Variants in INSC observed in about 807,000 individuals in gnomAD.
The protein encoded by INSC is protein inscuteable homolog.
A neutral mutation model predicts 58.6 loss-of-function variants in INSC; 67 were observed. That is an observed-to-expected ratio of 1.14 (90% confidence interval 0.94 to 1.40). The LOEUF (loss-of-function observed/expected upper bound fraction) is 1.40. INSC is among the 40% of genes most tolerant of loss of function. INSC has a pLI of 0.00. For synonymous variants in INSC, 262 were observed against 276.1 expected (o/e 0.95, Z 0.51); for missense variants, 714 against 692.0 (o/e 1.03, Z -0.36).
chr11:15,142,859 A>G (rs1298753458), intron 1 of INSC, among the ~76,000 whole-genome samples: 1 of 151,950 alleles, frequency 6.6e-6, no homozygotes, highest in East Asian at 1.9e-4. Flanking sequence ...GTACATGTGC[A>G]CAAAGGTTTG....
chr11:15,140,458 C>G (rs1399910262), intron 1 of INSC, among the ~76,000 whole-genome samples: 3 of 152,180 alleles, frequency 2.0e-5, no homozygotes, highest in Non-Finnish European at 2.9e-5. Context: ...TCCAGCCAGG[C>G]AAAGCCTTAT....
At position 15,158,337 on chromosome 11, in the gene INSC, C is replaced by T. The variant is rs181167448; in HGVS notation, c.56+9107C>T. ...CCCTGTTTCTCTCTTCAGACCCGTTCCTGGCCCCACCCTCAGAGGCCCCTG... is the reference window on the plus strand; with the variant it reads ...CCCTGTTTCTCTCTTCAGACCCGTTTCTGGCCCCACCCTCAGAGGCCCCTG... On this transcript the variant is annotated intron_variant, in intron 2 of 12. Transcript: ENST00000379556. Among the ~76,000 whole-genome samples, 48 of 151,350 alleles carry T rather than the reference C, an allele frequency of 3.2e-4. No homozygotes were observed. The East Asian group carries it at 7.5e-3, about 24-fold the overall frequency.
the INSC span, among the ~76,000 whole-genome samples, chr11:15,266,032 A>G: frequency 1.3e-5 from 2 of 151,940 alleles, no homozygotes; most frequent in Non-Finnish European, 2.9e-5. Flanking sequence ...CTGAGACCAC[A>G]TGCATATTTG....
intron 5 of INSC, among the ~76,000 whole-genome samples, chr11:15,189,097 T>C (rs1194851941): frequency 6.6e-6 from 1 of 152,190 alleles, no homozygotes; most frequent in African/African-American, 2.4e-5. Context: ...ATGTTGTGCG[T>C]GTGTGAGGAA....
intron 5 of INSC, among the ~76,000 whole-genome samples, chr11:15,181,417 C>A (rs1474810545): frequency 1.3e-5 from 2 of 152,142 alleles, no homozygotes; most frequent in Non-Finnish European, 2.9e-5. Context: ...AATCTCCCCA[C>A]CCCCTTCACC....
chr11:15,215,532 ACTGGAGTC>A (rs917567379), intron 7 of INSC, among the ~76,000 whole-genome samples: 3 of 152,212 alleles, frequency 2.0e-5, no homozygotes, highest in Non-Finnish European at 4.4e-5. Flanking sequence ...GGAGGCCAGA[ACTGGAGTC>A]CTGGCCCTGG....
chr11:15,211,392 G>A (rs1345190393), intron 7 of INSC, among the ~76,000 whole-genome samples: 1 of 152,002 alleles, frequency 6.6e-6, no homozygotes, highest in Non-Finnish European at 1.5e-5. Context: ...TAAAACACTG[G>A]GTTGTTTGTC....
At chr11:15,221,425 G>A in intron 7 of INSC, 52 bp from the exon 8 acceptor site, 1 of 1,553,340 alleles carries the variant, frequency 6.4e-7, no homozygotes, top group Non-Finnish European at 8.7e-7. Flanking sequence ...AATGTCATGG[G>A]CAGTGGTGTC....
chr11:15,196,450 TAG>T (rs1490873794), intron 6 of INSC, among the ~76,000 whole-genome samples: 1 of 151,296 alleles, frequency 6.6e-6, no homozygotes, highest in Non-Finnish European at 1.5e-5. Flanking sequence ...GGTTAAAATC[TAG>T]AGTCTTTCCC....
At chr11:15,264,314 C>T in the INSC span, among the ~76,000 whole-genome samples, 6 of 148,122 alleles carry the variant, frequency 4.1e-5, no homozygotes, top group East Asian at 1.2e-3. Context: ...TATTCTGCTG[C>T]GGCGGCTGCT....
chr11:15,263,416 T>C, the INSC span, among the ~76,000 whole-genome samples: 1 of 152,052 alleles, frequency 6.6e-6, no homozygotes, highest in Non-Finnish European at 1.5e-5. Context: ...AATCCATATG[T>C]GTAGATATAA....
chr11:15,129,603 C>A (rs1177524030), intron 1 of INSC, among the ~76,000 whole-genome samples: 2 of 152,154 alleles, frequency 1.3e-5, no homozygotes, highest in Non-Finnish European at 2.9e-5. Context: ...CTTGCACATG[C>A]TAAGGTTCAT....
In INSC at chr11:15,229,988, TA is replaced by T. The variant is rs557179135; in HGVS notation, c.1170+4161del. On this transcript the variant is annotated intron_variant, in intron 9 of 12. Transcript: ENST00000379556. The stretch of plus-strand genomic sequence containing the variant: ...TATATATATATATATATTATATATA[TA>T]TATATATATATATATATATATATAA... Among the ~76,000 whole-genome samples the T allele has an allele frequency of 2.0e-4, 6 of 29,280 alleles. 1 individual carries two copies. Among genetic ancestry groups the T allele is most frequent in the East Asian group, 4.6e-3 (2 of 434 alleles). 19.2% of individuals were successfully genotyped at this position (29,280 alleles called of 152,430 possible).
chr11:15,259,921 A>G, the INSC span, among the ~76,000 whole-genome samples: 1 of 152,194 alleles, frequency 6.6e-6, no homozygotes, highest in Admixed American at 6.6e-5. Flanking sequence ...TTGAAAGTAC[A>G]CATAATCCCA....
intron 1 of INSC, among the ~76,000 whole-genome samples, chr11:15,127,557 T>C (rs552557596): frequency 6.6e-6 from 1 of 152,358 alleles, no homozygotes; most frequent in Non-Finnish European, 1.5e-5. Context: ...TTGTGCTGTA[T>C]ACTTGGCAGA....
chr11:15,249,194 A>G (rs1370534889), downstream of INSC, among the ~76,000 whole-genome samples: 1 of 152,208 alleles, frequency 6.6e-6, no homozygotes, highest in Non-Finnish European at 1.5e-5. Context: ...AGAAGAGAGC[A>G]GGGCAGAGAA....
At chr11:15,173,487 G>A (rs556120566) in intron 2 of INSC, among the ~76,000 whole-genome samples, 37 of 152,224 alleles carry the variant, frequency 2.4e-4, no homozygotes, top group African/African-American at 8.4e-4. Context: ...CAATCAAACC[G>A]TACATGAGAT....
At chr11:15,155,465 G>A (rs1189540535) in intron 2 of INSC, among the ~76,000 whole-genome samples, 1 of 152,198 alleles carries the variant, frequency 6.6e-6, no homozygotes, top group Non-Finnish European at 1.5e-5. Flanking sequence ...TCTTTATAGA[G>A]TGCCTATGAA....
chr11:15,198,818 T>G (rs1055312052), intron 6 of INSC, among the ~76,000 whole-genome samples: 1 of 152,072 alleles, frequency 6.6e-6, no homozygotes, highest in African/African-American at 2.4e-5. Flanking sequence ...GAGGTCTGTA[T>G]GTAGAACCTT....
Sources: gnomAD v4.1 joint callset for allele counts (sites outside exome capture counted in the v4.1 genomes callset) on GRCh38, gnomAD v4.1.1 for gene constraint, MANE v1.5 for transcripts, NCBI Gene and HGNC (gene_info 2026-07-23, HGNC 2026-07-21) for gene names.